SLC1A1: variants seen among roughly 807,000 people sequenced by gnomAD.
SLC1A1 encodes the protein solute carrier family 1 member 1, also known as excitatory amino acid transporter 3.
SLC1A1 carries 43 observed loss-of-function variants against 53.3 expected under a neutral mutation model. That is an observed-to-expected ratio of 0.81 (90% CI 0.63 to 1.04). The LOEUF (loss-of-function observed/expected upper bound fraction) is 1.04, where lower values mean the gene tolerates loss of function less well. Ranked by LOEUF, SLC1A1 falls within the 50% of genes least tolerant of loss-of-function variation. The pLI is 0.00. For missense variants in SLC1A1, 748 were observed against 664.9 expected, an observed-to-expected ratio of 1.12 and a Z score of -1.37; for synonymous variants, 307 against 243.2, an observed-to-expected ratio of 1.26 and a Z score of -2.44.
intron 1 of SLC1A1, among the ~76,000 whole-genome samples, chr9:4,496,965 T>A (rs1820448126): frequency 6.6e-6 from 1 of 152,002 alleles, no homozygotes; most frequent in African/African-American, 2.4e-5. Context: ...GAGTGAGGCC[T>A]GGGACAGTAG....
chr9:4,508,169 A>G (rs1820866751), intron 1 of SLC1A1, among the ~76,000 whole-genome samples: 1 of 152,208 alleles, frequency 6.6e-6, no homozygotes, highest in Non-Finnish European at 1.5e-5. Flanking sequence ...TGCAAACAAG[A>G]TGATAGGTAG....
chr9:4,570,295 C>T (rs1213279916), intron 6 of SLC1A1, among the ~76,000 whole-genome samples: 4 of 152,122 alleles, frequency 2.6e-5, no homozygotes, highest in Admixed American at 6.5e-5. Context: ...ATAGCCAGTG[C>T]AGTAATACTC....
rs533644300 is a variant in SLC1A1 at position 4,503,808 on chromosome 9, G to A, written c.91+13038G>A. ...CAGCATTGTACTTACTTCACAGGAG[G>A]TGCCCCCAGATATATCTGACTGATT... On this transcript the variant is annotated intron_variant, in intron 1 of 11. Transcript: ENST00000262352. 2.4e-4 allele frequency among the ~76,000 whole-genome samples: 36 copies of A among 151,906 alleles called. 2 individuals carry two copies. Among genetic ancestry groups the A allele is most frequent in the African/African-American group, 7.3e-4 (30 of 41,194 alleles).
intron 1 of SLC1A1, among the ~76,000 whole-genome samples, chr9:4,527,536 T>C (rs1170687207): frequency 1.3e-5 from 2 of 152,184 alleles, no homozygotes; most frequent in Non-Finnish European, 2.9e-5. Context: ...CACTAGACTG[T>C]TATGGTATAC....
At chr9:4,523,386 C>G (rs908165986) in intron 1 of SLC1A1, among the ~76,000 whole-genome samples, 4 of 151,672 alleles carry the variant, frequency 2.6e-5, no homozygotes, top group African/African-American at 9.7e-5. Context: ...TGTTCTCGTA[C>G]CACTAAGACC....
intron 1 of SLC1A1, among the ~76,000 whole-genome samples, chr9:4,528,789 T>C (rs1324672943): frequency 6.8e-6 from 1 of 147,720 alleles, no homozygotes; most frequent in African/African-American, 2.6e-5. Context: ...CATCCACTCT[T>C]ACCTTTCTTT....
chr9:4,541,658 A>G (rs1370515563), intron 1 of SLC1A1, among the ~76,000 whole-genome samples: 1 of 152,244 alleles, frequency 6.6e-6, no homozygotes, highest in Non-Finnish European at 1.5e-5. Context: ...CAAAGGTTAC[A>G]GCTGCCTATT....
chr9:4,541,307 A>G (rs1295626523), intron 1 of SLC1A1, among the ~76,000 whole-genome samples: 1 of 152,234 alleles, frequency 6.6e-6, no homozygotes, highest in Non-Finnish European at 1.5e-5. Flanking sequence ...CTTCGAAGTT[A>G]AAAGTTAAGT....
chr9:4,493,441 G>A (rs1262087437), intron 1 of SLC1A1, among the ~76,000 whole-genome samples: 1 of 152,168 alleles, frequency 6.6e-6, no homozygotes, highest in African/African-American at 2.4e-5. Context: ...GATAATGATA[G>A]TAAGAGCTTA....
chr9:4,575,872 C>T (rs1820496714), intron 8 of SLC1A1, 129 bp from the exon 9 acceptor site: 11 of 1,001,838 alleles, frequency 1.1e-5, no homozygotes, highest in Non-Finnish European at 1.5e-5. Flanking sequence ...TCCTGCCCTA[C>T]TCCCATTTCT....
intron 11 of SLC1A1, among the ~76,000 whole-genome samples, chr9:4,584,655 A>C (rs765476820): frequency 3.3e-5 from 5 of 152,212 alleles, no homozygotes; most frequent in Non-Finnish European, 5.9e-5. Flanking sequence ...TCTCCTCTGC[A>C]GTGTGCCTTC....
At chr9:4,580,651 G>GTTTGTGTGTA (rs370378540) in intron 10 of SLC1A1, among the ~76,000 whole-genome samples, 1 of 118,844 alleles carries the variant, frequency 8.4e-6, no homozygotes. Context: ...GTGTGTGTGT[G>GTTTGTGTGTA]TATAAGGAAT....
At chr9:4,565,566 G>T (rs937070882) in intron 4 of SLC1A1, among the ~76,000 whole-genome samples, 1 of 152,140 alleles carries the variant, frequency 6.6e-6, no homozygotes, top group Non-Finnish European at 1.5e-5. Context: ...ACCAGATCTT[G>T]TGAGAACTCA....
chr9:4,540,303 A>G (rs754564887), intron 1 of SLC1A1, among the ~76,000 whole-genome samples: 1 of 151,958 alleles, frequency 6.6e-6, no homozygotes, highest in Non-Finnish European at 1.5e-5. Context: ...AATCCTCCAC[A>G]TTCACCACCC....
chr9:4,551,570 A>C (rs1242621348), intron 2 of SLC1A1, among the ~76,000 whole-genome samples: 2 of 152,250 alleles, frequency 1.3e-5, no homozygotes, highest in African/African-American at 4.8e-5. Flanking sequence ...AAGAGCATTT[A>C]ATGTCAATTT....
Position 4,554,770 on chromosome 9 carries a change from A to G in SLC1A1, c.233-6679A>G, listed in dbSNP as rs1443706304. Among the ~76,000 whole-genome samples, 6 of 152,228 alleles carry G rather than the reference A, an allele frequency of 3.9e-5. 1 individual carries two copies. Among genetic ancestry groups the G allele is most frequent in the Admixed American group, 3.9e-4 (6 of 15,280 alleles). ...TTGAAGGGTTATCCTGATGTATAAA[A>G]TCACCTGATTTATGTTTTTAAAGGA... On this transcript the variant is annotated intron_variant, in intron 2 of 11. Transcript: ENST00000262352.
intron 11 of SLC1A1, among the ~76,000 whole-genome samples, chr9:4,585,055 T>C (rs1168606977): frequency 6.6e-6 from 1 of 152,146 alleles, no homozygotes; most frequent in Non-Finnish European, 1.5e-5. Flanking sequence ...CTGGAACGAC[T>C]CTATTCATGT....
chr9:4,546,903 G>A (rs17756556), intron 2 of SLC1A1, among the ~76,000 whole-genome samples: 5,108 of 152,218 alleles, frequency 0.034, 135 homozygotes, highest in South Asian at 0.054. Context: ...TATTTTGCAC[G>A]CAATTGCACA....
chr9:4,539,541 C>T (rs1029670477), intron 1 of SLC1A1, among the ~76,000 whole-genome samples: 3 of 152,032 alleles, frequency 2.0e-5, no homozygotes, highest in African/African-American at 7.2e-5. Flanking sequence ...GTTTTCCTCC[C>T]ATGTTTCTTT....
Sources: allele counts gnomAD v4.1 joint callset (sites outside exome capture counted in the v4.1 genomes callset), GRCh38; gene constraint gnomAD v4.1.1; transcripts MANE v1.5; gene names NCBI Gene and HGNC (gene_info 2026-07-23, HGNC 2026-07-21).